Variants in PLEKHA5 observed in about 807,000 individuals in gnomAD.
PLEKHA5 encodes the protein pleckstrin homology domain-containing family A member 5.
A neutral mutation model predicts 181.9 loss-of-function variants in PLEKHA5; 55 were observed. The ratio of observed to expected loss-of-function variants is 0.30; its 90% CI spans 0.24 to 0.38. The LOEUF is 0.38. Ranked by LOEUF, PLEKHA5 falls within the 10% of genes least tolerant of loss-of-function variation. PLEKHA5 has a pLI of 1.00. For synonymous variants in PLEKHA5, 535 were observed against 529.4 expected, an observed-to-expected ratio of 1.01 and a Z score of -0.15; for missense variants, 1,432 against 1,549.5, an observed-to-expected ratio of 0.92 and a Z score of 1.27.
intron 27 of PLEKHA5, 34 bp from the exon 28 acceptor site, chr12:19,359,378 A>G (rs1013270932): frequency 2.3e-5 from 36 of 1,591,962 alleles, no homozygotes; most frequent in Non-Finnish European, 3.1e-5. Flanking sequence ...CATGCACAGT[A>G]TGAGTATAAA....
At chr12:19,345,798 TAGAA>T (rs771975813) in intron 22 of PLEKHA5, 40 bp from the exon 23 acceptor site, 3 of 943,056 alleles carry the variant, frequency 3.2e-6, no homozygotes, top group Admixed American at 2.3e-5. Context: ...TTTATAGTAT[TAGAA>T]AGATATGTTT....
intron 3 of PLEKHA5, among the ~76,000 whole-genome samples, chr12:19,169,758 A>G (rs1298216177): frequency 6.6e-6 from 1 of 152,170 alleles, no homozygotes; most frequent in African/African-American, 2.4e-5. Flanking sequence ...TGGCCCGGGT[A>G]AAAACCAGGT....
chr12:19,306,927 TC>T, intron 15 of PLEKHA5: 1 of 878,974 alleles, frequency 1.1e-6, no homozygotes, highest in South Asian at 1.5e-5. Flanking sequence ...CAATGGCAGG[TC>T]TTCTGCTTGG....
At chr12:19,178,004 G>T (rs2047705496) in intron 3 of PLEKHA5, among the ~76,000 whole-genome samples, 1 of 152,188 alleles carries the variant, frequency 6.6e-6, no homozygotes, top group Non-Finnish European at 1.5e-5. Flanking sequence ...CCTTATGGCA[G>T]TTAAGGCTGT....
At chr12:19,157,030 C>T (rs1379189325) in intron 3 of PLEKHA5, among the ~76,000 whole-genome samples, 2 of 151,044 alleles carry the variant, frequency 1.3e-5, no homozygotes, top group Non-Finnish European at 1.5e-5. Flanking sequence ...GCACCGTAGC[C>T]TGGTGACAGA....
intron 10 of PLEKHA5, 91 bp from the exon 11 acceptor site, chr12:19,274,425 C>A (rs1053578948): frequency 5.8e-6 from 5 of 857,468 alleles, no homozygotes; most frequent in East Asian, 2.6e-5. Context: ...GCCCCCACCC[C>A]CGTAAAGTAT....
chr12:19,201,816 T>C (rs1162438505), intron 3 of PLEKHA5: 1 of 152,256 alleles, frequency 6.6e-6, no homozygotes, highest in East Asian at 1.9e-4. Context: ...GACGTGGAGA[T>C]TGACTGTAAA....
intron 3 of PLEKHA5, among the ~76,000 whole-genome samples, chr12:19,192,151 A>T (rs187718195): frequency 6.6e-6 from 1 of 152,284 alleles, no homozygotes; most frequent in African/African-American, 2.4e-5. Context: ...TTTAATTTTA[A>T]TGAAGGAAAA....
chr12:19,321,261 T>G (rs2090638567), intron 18 of PLEKHA5, among the ~76,000 whole-genome samples: 1 of 151,950 alleles, frequency 6.6e-6, no homozygotes. Flanking sequence ...TCACTACTCC[T>G]TTTTAAATTT....
intron 8 of PLEKHA5, 51 bp from the exon 9 acceptor site, chr12:19,269,719 T>C (rs764105972): frequency 5.1e-6 from 5 of 971,086 alleles, no homozygotes; most frequent in Non-Finnish European, 7.9e-6. Flanking sequence ...TTCTTTTTCT[T>C]TTACAGAATC....
chr12:19,261,972 T>C (rs2068646052), intron 7 of PLEKHA5, among the ~76,000 whole-genome samples: 2 of 152,200 alleles, frequency 1.3e-5, no homozygotes. Flanking sequence ...TAACCAACCG[T>C]ATAAAATTGC....
In PLEKHA5 at chr12:19,141,273, T is replaced by C. The variant is rs535418484; in HGVS notation, c.227+8823T>C. On this transcript the variant is annotated intron_variant, in intron 3 of 31. Transcript: ENST00000429027. ...AACCTAAAATGTAAGTTTTCTTCTC[T>C]AGTTGCAAATTAAAAAAATCTCGGA... 2.7e-4 allele frequency among the ~76,000 whole-genome samples: 41 copies of C among 152,296 alleles called. No homozygotes were observed. In the East Asian group the frequency reaches 6.8e-3, roughly 25 times the overall value.
At chr12:19,290,535 C>G in intron 13 of PLEKHA5, 142 bp from the exon 14 acceptor site, 5 of 584,184 alleles carry the variant, frequency 8.6e-6, no homozygotes, top group Non-Finnish European at 1.5e-5. Context: ...TATGTAGGAC[C>G]TATCATCATA....
At chr12:19,248,599 A>G (rs1405460633) in intron 3 of PLEKHA5, among the ~76,000 whole-genome samples, 1 of 152,222 alleles carries the variant, frequency 6.6e-6, no homozygotes, top group Non-Finnish European at 1.5e-5. Flanking sequence ...ACCTGTTTTT[A>G]TCCTAGAAGC....
intron 3 of PLEKHA5, among the ~76,000 whole-genome samples, chr12:19,216,618 A>ACACCACTG (rs1239453557): frequency 6.6e-6 from 1 of 151,404 alleles, no homozygotes; most frequent in Non-Finnish European, 1.5e-5. Flanking sequence ...AGCCCAGATC[A>ACACCACTG]CACCACTGCA....
chr12:19,200,332 G>A, intron 3 of PLEKHA5: 1 of 1,529,528 alleles, frequency 6.5e-7, no homozygotes, highest in South Asian at 1.2e-5. Flanking sequence ...CAGCTGAATA[G>A]ATTTCCTTTT....
At chr12:19,361,487 T>C (rs2095243406) in intron 28 of PLEKHA5, 95 bp from the exon 29 acceptor site, 2 of 707,528 alleles carry the variant, frequency 2.8e-6, no homozygotes, top group Non-Finnish European at 4.7e-6. Flanking sequence ...CCGACCGTGA[T>C]TGTTCAATAA....
intron 20 of PLEKHA5, among the ~76,000 whole-genome samples, chr12:19,334,970 A>AT (rs1248774223): frequency 1.8e-3 from 135 of 75,876 alleles, no homozygotes; most frequent in Non-Finnish European, 2.0e-3. Flanking sequence ...TTCACCTAAG[A>AT]TTTTTTTTTT....
chr12:19,318,112 G>A (rs2089597994), intron 16 of PLEKHA5, among the ~76,000 whole-genome samples: 1 of 150,674 alleles, frequency 6.6e-6, no homozygotes, highest in African/African-American at 2.4e-5. Flanking sequence ...TCAATTCTAT[G>A]AAGGCGTTTT....
Sources: allele counts gnomAD v4.1 joint callset (sites outside exome capture counted in the v4.1 genomes callset), GRCh38; gene constraint gnomAD v4.1.1; transcripts MANE v1.5; gene names NCBI Gene and HGNC (gene_info 2026-07-23, HGNC 2026-07-21).